Variants in SCRG1 observed in about 807,000 individuals in gnomAD.
SCRG1 encodes scrapie-responsive protein 1.
A neutral mutation model predicts 7.7 loss-of-function variants in SCRG1; 3 were observed. The ratio of observed to expected loss-of-function variants is 0.39; its 90% CI spans 0.18 to 1.01. The LOEUF (loss-of-function observed/expected upper bound fraction) is 1.01. Among genes scored for constraint, SCRG1 ranks in the 50% least tolerant of loss-of-function variants. The pLI is 0.36. For synonymous variants in SCRG1, 46 were observed against 41.2 expected, an observed-to-expected ratio of 1.12 and a Z score of -0.44; for missense variants, 110 against 117.2, an observed-to-expected ratio of 0.94 and a Z score of 0.28.
the SCRG1 span, among the ~76,000 whole-genome samples, chr4:173,499,958 A>G: frequency 3.3e-5 from 5 of 152,206 alleles, no homozygotes; most frequent in African/African-American, 7.2e-5. This position sits in a 1 kb window ranked among gnomAD's most constrained non-coding sequence, Gnocchi z 4.1. Context: ...TTCTTTCTCA[A>G]ACTGCGCCTA....
At chr4:173,391,779 T>C (rs1447342582) in intron 1 of SCRG1, among the ~76,000 whole-genome samples, 2 of 152,226 alleles carry the variant, frequency 1.3e-5, no homozygotes, top group African/African-American at 4.8e-5. Flanking sequence ...AATTAAAAAA[T>C]TAGCCAGGCA....
chr4:173,485,683 A>G, the SCRG1 span, among the ~76,000 whole-genome samples: 1 of 152,142 alleles, frequency 6.6e-6, no homozygotes, highest in Non-Finnish European at 1.5e-5. Context: ...ATTGTTAAAA[A>G]TTGTGGCTGG....
At chr4:173,462,279 A>G in the SCRG1 span, among the ~76,000 whole-genome samples, 2 of 152,194 alleles carry the variant, frequency 1.3e-5, no homozygotes, top group African/African-American at 4.8e-5. Flanking sequence ...CCAAAGGTCA[A>G]GGATAAAGAA....
the SCRG1 span, among the ~76,000 whole-genome samples, chr4:173,494,980 A>G: frequency 6.6e-6 from 1 of 152,172 alleles, no homozygotes. Flanking sequence ...AGGCCATCCT[A>G]GGATTCTGAT....
chr4:173,441,749 C>A, the SCRG1 span, among the ~76,000 whole-genome samples: 3 of 152,172 alleles, frequency 2.0e-5, no homozygotes, highest in African/African-American at 7.2e-5. Context: ...GTGGCTCACA[C>A]CTGTGATCCC....
At chr4:173,433,590 T>C in the SCRG1 span, among the ~76,000 whole-genome samples, 1 of 152,196 alleles carries the variant, frequency 6.6e-6, no homozygotes, top group Non-Finnish European at 1.5e-5. Context: ...GGATGCCCTA[T>C]AGGGACTCTG....
the SCRG1 span, among the ~76,000 whole-genome samples, chr4:173,485,095 T>TTATATATTATATATTATATAA: frequency 1.8e-4 from 2 of 11,318 alleles, no homozygotes; most frequent in African/African-American, 3.9e-4. Flanking sequence ...ATATTATATA[T>TTATATATTATATATTATATAA]TATATATTAT....
chr4:173,514,801 T>C, the SCRG1 span, among the ~76,000 whole-genome samples: 12 of 152,378 alleles, frequency 7.9e-5, no homozygotes, highest in South Asian at 2.1e-3. Context: ...TCCTGTTGCA[T>C]AGTCCCAGCT....
chr4:173,477,317 G>T, the SCRG1 span, among the ~76,000 whole-genome samples: 2 of 152,110 alleles, frequency 1.3e-5, no homozygotes, highest in Non-Finnish European at 2.9e-5. Flanking sequence ...TTCTTATAAA[G>T]GTGTGACTCA....
chr4:173,499,649 A>C, the SCRG1 span, among the ~76,000 whole-genome samples: 3 of 152,022 alleles, frequency 2.0e-5, no homozygotes, highest in African/African-American at 7.3e-5. The surrounding 1 kb of genome is among the most constrained non-coding windows in gnomAD (Gnocchi z 4.1). Flanking sequence ...CCTGGTCCCT[A>C]CTCCCGCCCA....
the SCRG1 span, among the ~76,000 whole-genome samples, chr4:173,495,465 T>C: frequency 6.6e-6 from 1 of 152,314 alleles, no homozygotes; most frequent in South Asian, 2.1e-4. Context: ...CAAACACAGA[T>C]GCACAGATGC....
chr4:173,502,551 A>G, the SCRG1 span, among the ~76,000 whole-genome samples: 1 of 151,932 alleles, frequency 6.6e-6, no homozygotes, highest in African/African-American at 2.4e-5. The surrounding 1 kb of genome is among the most constrained non-coding windows in gnomAD (Gnocchi z 4.6). Flanking sequence ...AGTTTAAGAG[A>G]TTTTACCAGG....
At chr4:173,475,471 T>C in the SCRG1 span, among the ~76,000 whole-genome samples, 1 of 152,084 alleles carries the variant, frequency 6.6e-6, no homozygotes, top group Non-Finnish European at 1.5e-5. Context: ...TATAGAAAAA[T>C]TGGAACCCTT....
chr4:173,482,998 T>G, the SCRG1 span, among the ~76,000 whole-genome samples: 1 of 131,524 alleles, frequency 7.6e-6, no homozygotes, highest in South Asian at 2.2e-4. Context: ...ATATATTTCA[T>G]ATGTATAATA....
At chr4:173,416,509 T>C in the SCRG1 span, among the ~76,000 whole-genome samples, 1 of 152,232 alleles carries the variant, frequency 6.6e-6, no homozygotes, top group South Asian at 2.1e-4. Context: ...TCCGGGTGAC[T>C]GAGGAGACTG....
the SCRG1 span, among the ~76,000 whole-genome samples, chr4:173,454,093 A>T: frequency 6.6e-6 from 1 of 150,750 alleles, no homozygotes; most frequent in African/African-American, 2.5e-5. Flanking sequence ...AAAAAAAAAA[A>T]GAACTGACCA....
chr4:173,451,647 T>C, the SCRG1 span, among the ~76,000 whole-genome samples: 8 of 102,056 alleles, frequency 7.8e-5, no homozygotes, highest in African/African-American at 3.5e-4. Flanking sequence ...TATTTATTTA[T>C]TTATTTATTT....
chr4:173,484,693 A>G, the SCRG1 span, among the ~76,000 whole-genome samples: 1 of 96,536 alleles, frequency 1.0e-5, no homozygotes, highest in African/African-American at 4.4e-5. Context: ...TATATTATAT[A>G]TTATATGCAT....
chr4:173,434,673 A>G, the SCRG1 span, among the ~76,000 whole-genome samples: 1 of 152,276 alleles, frequency 6.6e-6, no homozygotes, highest in Admixed American at 6.5e-5. Flanking sequence ...TCTACTAAAA[A>G]TACAAACAAT....
Sources: gnomAD v4.1 joint callset for allele counts (sites outside exome capture counted in the v4.1 genomes callset) on GRCh38, gnomAD v4.1.1 for gene constraint, Gnocchi (gnomAD v3.1) non-coding constraint, MANE v1.5 for transcripts, NCBI Gene and HGNC (gene_info 2026-07-23, HGNC 2026-07-21) for gene names.